COL6A5: variants seen among roughly 807,000 people sequenced by gnomAD.
The protein encoded by COL6A5 is collagen type VI alpha 5 chain.
A neutral mutation model predicts 65.6 loss-of-function variants in COL6A5; 48 were observed. The observed-to-expected ratio is 0.73, with a 90% CI of 0.58 to 0.93. COL6A5 has a LOEUF of 0.93. Among genes scored for constraint, COL6A5 ranks in the 40% least tolerant of loss-of-function variants. COL6A5 has a pLI of 0.00. For synonymous variants in COL6A5, 291 were observed against 322.8 expected, an observed-to-expected ratio of 0.90 and a Z score of 1.05; for missense variants, 914 against 928.3, an observed-to-expected ratio of 0.98 and a Z score of 0.20.
chr3:130,463,698 C>T (rs146393045), intron 5 of COL6A5, among the ~76,000 whole-genome samples: 29 of 152,160 alleles, frequency 1.9e-4, no homozygotes, highest in African/African-American at 7.0e-4. Context: ...TTGACATTTC[C>T]AGAAAATACA....
chr3:130,346,993 A>G (rs1267533671), intron 1 of COL6A5, among the ~76,000 whole-genome samples: 1 of 152,228 alleles, frequency 6.6e-6, no homozygotes, highest in Non-Finnish European at 1.5e-5. Flanking sequence ...GATAATTCCC[A>G]AGTTTTTAAA....
chr3:130,464,516 G>C (rs558203406), intron 5 of COL6A5, among the ~76,000 whole-genome samples: 1 of 152,114 alleles, frequency 6.6e-6, no homozygotes, highest in African/African-American at 2.4e-5. Context: ...CAGAGATCAT[G>C]GTAACATCTC....
Position 130,362,480 on chromosome 3 carries a change from G to A in COL6A5, c.-28-11131G>A, listed in dbSNP as rs12630247. 0.036 allele frequency among the ~76,000 whole-genome samples: 5,484 copies of A among 151,820 alleles called. 547 individuals are homozygous for A. In the East Asian group the frequency reaches 0.36, roughly 10 times the overall value. On this transcript the variant is annotated intron_variant and NMD_transcript_variant, in intron 1 of 41. Transcript: ENST00000312481. ...GGTCTATTTCTGGGCTCTCCAGACTGTTCCATTGATTTGTCTATTCTTTCA... is the reference window on the plus strand; with the variant it reads ...GGTCTATTTCTGGGCTCTCCAGACTATTCCATTGATTTGTCTATTCTTTCA...
chr3:130,396,388 G>A (rs746338111), intron 8 of COL6A5, among the ~76,000 whole-genome samples: 1 of 152,192 alleles, frequency 6.6e-6, no homozygotes, highest in African/African-American at 2.4e-5. Flanking sequence ...GATTACAGTG[G>A]TGGAAAGAGC....
chr3:130,443,447 A>G (rs778506957), intron 3 of COL6A5, 29 bp from the exon 36 acceptor site: 1 of 1,492,960 alleles, frequency 6.7e-7, no homozygotes, highest in Non-Finnish European at 9.3e-7. Context: ...CAGTTTTAAA[A>G]TCTAACTATA....
chr3:130,387,840 T>C (rs1319293461), intron 5 of COL6A5, among the ~76,000 whole-genome samples: 2 of 152,006 alleles, frequency 1.3e-5, no homozygotes, highest in Non-Finnish European at 2.9e-5. Context: ...GAATTAATAA[T>C]ATTGTTTTTA....
In COL6A5 at chr3:130,476,903, G is replaced by A. The variant is rs144140886; in HGVS notation, c.2328+5936G>A. On this transcript the variant is annotated intron_variant, in intron 7 of 7. Transcript: ENST00000512836. Reference sequence around the variant, plus strand: ...CACAGATCTCTAGCCAGCAGCTTGGGTTAGTTATATTTGGCCAGCCCTGCT... The same window carrying A: ...CACAGATCTCTAGCCAGCAGCTTGGATTAGTTATATTTGGCCAGCCCTGCT... The A allele has an allele frequency of 3.5e-3, 2,448 of 694,136 alleles. 35 individuals are homozygous for A. The highest frequency in any genetic ancestry group is 0.019 in the Middle Eastern group (82 of 4,310). 43.0% of individuals were successfully genotyped at this position (694,136 alleles called of 1,614,324 possible). A position where few individuals can be genotyped will look rare whatever the true frequency, so the allele number is the denominator to read the frequency against.
chr3:130,429,631 C>T, upstream of COL6A5: 3 of 1,494,890 alleles, frequency 2.0e-6, no homozygotes, highest in Non-Finnish European at 2.7e-6. Context: ...ATTACTGCTG[C>T]ATTCCAACAA....
chr3:130,375,093 T>C (rs961110371), intron 2 of COL6A5, among the ~76,000 whole-genome samples: 2 of 152,200 alleles, frequency 1.3e-5, no homozygotes, highest in African/African-American at 4.8e-5. Flanking sequence ...TGACCATGAC[T>C]GCTAAGGTAG....
rs575302350 is a variant in COL6A5 at position 130,459,374 on chromosome 3, G to T, written c.1544+3708G>T. ...ATTTATTTTTTGCTTTGAATTAATC[G>T]TAAGATAATAGAACTGGAAGGGTAT... On this transcript the variant is annotated intron_variant, in intron 5 of 7. Coordinates refer to ENST00000512836, the Ensembl canonical transcript of COL6A5. 2.1e-3 allele frequency among the ~76,000 whole-genome samples: 315 copies of T among 152,112 alleles called. 2 individuals are homozygous for T. The highest frequency in any genetic ancestry group is 3.7e-4 in the Non-Finnish European group (25 of 67,976).
At chr3:130,447,833 G>A (rs1357334584) in intron 4 of COL6A5, among the ~76,000 whole-genome samples, 4 of 144,554 alleles carry the variant, frequency 2.8e-5, no homozygotes, top group East Asian at 2.1e-4. Flanking sequence ...CCCATATAAC[G>A]GCATTGCCAT....
At chr3:130,413,918 C>T (rs189371231) in intron 21 of COL6A5, 151 bp from the exon 22 acceptor site, 30 of 627,446 alleles carry the variant, frequency 4.8e-5, no homozygotes, top group Admixed American at 3.2e-4. Context: ...ATTCCTTAGA[C>T]AGTCTAGAAC....
chr3:130,351,994 C>A (rs191745834), intron 1 of COL6A5, among the ~76,000 whole-genome samples: 19 of 152,232 alleles, frequency 1.2e-4, no homozygotes, highest in Admixed American at 1.2e-3. Flanking sequence ...AGGATGAGTT[C>A]ATGTCCTTTG....
At chr3:130,400,265 C>T (rs1936772200) in intron 10 of COL6A5, among the ~76,000 whole-genome samples, 1 of 152,306 alleles carries the variant, frequency 6.6e-6, no homozygotes, top group Middle Eastern at 3.4e-3. Context: ...AGCTTCTCCT[C>T]TAGGCTGTCA....
At chr3:130,348,458 CT>C in intron 1 of COL6A5, among the ~76,000 whole-genome samples, 1 of 152,278 alleles carries the variant, frequency 6.6e-6, no homozygotes, top group South Asian at 2.1e-4. Context: ...TAAACTCATT[CT>C]TTTTTATGGC....
chr3:130,401,852 A>G, exon 12 of COL6A5: 1 of 1,549,624 alleles, frequency 6.5e-7, no homozygotes, highest in Non-Finnish European at 8.7e-7. Flanking sequence ...ACAAGCCATG[A>G]AGGTGCCACT....
intron 20 of COL6A5, among the ~76,000 whole-genome samples, chr3:130,411,639 G>A (rs1464118723): frequency 6.6e-6 from 1 of 152,136 alleles, no homozygotes; most frequent in Non-Finnish European, 1.5e-5. Flanking sequence ...AGCAAGATGA[G>A]CTAAATGCTA....
chr3:130,432,798 G>C (rs913424363), intron 1 of COL6A5, among the ~76,000 whole-genome samples: 1 of 152,080 alleles, frequency 6.6e-6, no homozygotes. Flanking sequence ...CCCTATGGTG[G>C]TGCAAAACAT....
chr3:130,440,806 AT>A lies in COL6A5; in HGVS notation c.1227del (p.Leu410TyrfsTer25). ...ATTATATTGCGAAGTTCTTAAAGCC[AT>A]TTTTATACTCGGTCAGGCGTAAGTT... On this transcript the variant is annotated frameshift_variant, in exon 3 of 8. Coordinates refer to ENST00000512836, the Ensembl canonical transcript of COL6A5. LOFTEE classifies it high-confidence loss of function. 6.2e-7 allele frequency: 1 copy of A among 1,611,450 alleles called. No individual in the cohort carries two copies. Among genetic ancestry groups the A allele is most frequent in the Non-Finnish European group, 8.5e-7 (1 of 1,178,426 alleles).
Sources: allele counts gnomAD v4.1 joint callset (sites outside exome capture counted in the v4.1 genomes callset), GRCh38; gene constraint gnomAD v4.1.1; transcripts MANE v1.5; gene names NCBI Gene and HGNC (gene_info 2026-07-23, HGNC 2026-07-21).